The following SEZ6L variants were observed in gnomAD, a reference collection of about 807,000 sequenced individuals.
SEZ6L encodes seizure 6-like protein.
SEZ6L carries 37 observed loss-of-function variants against 106.2 expected under a neutral mutation model. The observed-to-expected ratio is 0.35, with a 90% CI of 0.27 to 0.46. The LOEUF is 0.46. Among genes scored for constraint, SEZ6L ranks in the 20% least tolerant of loss-of-function variants. The pLI, the probability that SEZ6L is intolerant of heterozygous loss-of-function variation, is 1.00. For missense variants in SEZ6L, 1,172 were observed against 1,332.8 expected (o/e 0.88, Z 1.88); for synonymous variants, 541 against 570.4 (o/e 0.95, Z 0.73).
intron 14 of SEZ6L, among the ~76,000 whole-genome samples, chr22:26,374,038 T>C (rs946751915): frequency 6.6e-6 from 1 of 152,152 alleles, no homozygotes; most frequent in African/African-American, 2.4e-5. Flanking sequence ...AGGATTTTAT[T>C]TCAGTTTTGT....
intron 10 of SEZ6L, among the ~76,000 whole-genome samples, chr22:26,341,144 T>C (rs2082821260): frequency 6.6e-6 from 1 of 152,204 alleles, no homozygotes; most frequent in South Asian, 2.1e-4. Flanking sequence ...TGTAGCCTCG[T>C]TGAACAAGGA....
intron 1 of SEZ6L, among the ~76,000 whole-genome samples, chr22:26,187,102 C>T (rs1457049046): frequency 6.6e-6 from 1 of 152,210 alleles, no homozygotes; most frequent in Non-Finnish European, 1.5e-5. Flanking sequence ...CTATGAAGAA[C>T]TACCTGAGAC....
intron 13 of SEZ6L, among the ~76,000 whole-genome samples, chr22:26,373,230 T>G (rs967910316): frequency 6.6e-6 from 1 of 152,226 alleles, no homozygotes; most frequent in African/African-American, 2.4e-5. Context: ...CTATCACTGT[T>G]GTTGATCTTG....
intron 9 of SEZ6L, among the ~76,000 whole-genome samples, chr22:26,327,824 A>C (rs1223030598): frequency 6.6e-6 from 1 of 152,222 alleles, no homozygotes; most frequent in Non-Finnish European, 1.5e-5. Context: ...ATGTCCCGGA[A>C]TGTAGAAGGC....
intron 1 of SEZ6L, among the ~76,000 whole-genome samples, chr22:26,192,833 G>A (rs1242155121): frequency 2.6e-5 from 4 of 152,154 alleles, no homozygotes; most frequent in Non-Finnish European, 5.9e-5. Context: ...GTCAACCCAA[G>A]ATAATAAAAT....
At chr22:26,343,692 C>T (rs1417817390) in intron 10 of SEZ6L, among the ~76,000 whole-genome samples, 1 of 152,178 alleles carries the variant, frequency 6.6e-6, no homozygotes, top group East Asian at 1.9e-4. Context: ...ACCAGGATCA[C>T]AAGCTGATGC....
intron 1 of SEZ6L, among the ~76,000 whole-genome samples, chr22:26,231,509 G>A (rs1049202606): frequency 1.3e-5 from 2 of 152,152 alleles, no homozygotes; most frequent in Non-Finnish European, 1.5e-5. Context: ...TGGAAGGGAT[G>A]CCTCTATCTG....
intron 1 of SEZ6L, among the ~76,000 whole-genome samples, chr22:26,289,661 A>G (rs1020173337): frequency 1.3e-5 from 2 of 152,232 alleles, no homozygotes; most frequent in African/African-American, 2.4e-5. Context: ...CTGGTAATCA[A>G]TGTTACACAA....
rs532850026 is a variant in SEZ6L, at chr22:26,291,457, A to G, written c.95-949A>G. ...GCCTGTTGCGGGGTGGAGTTGGGGG[A>G]GGGGAGAGCATTAGGAAAAATAGGT... is the stretch of plus-strand genomic sequence containing the variant. On this transcript the variant is annotated intron_variant, in intron 1 of 16. Coordinates refer to ENST00000248933, the MANE Select transcript of SEZ6L (RefSeq NM_021115.5). Among the ~76,000 whole-genome samples, 35 of 151,856 alleles carry G rather than the reference A, an allele frequency of 2.3e-4. No homozygotes were observed. The South Asian group carries it at 7.3e-3, about 32-fold the overall frequency.
intron 9 of SEZ6L, among the ~76,000 whole-genome samples, chr22:26,317,519 G>A (rs991448283): frequency 6.6e-6 from 1 of 151,848 alleles, no homozygotes; most frequent in Non-Finnish European, 1.5e-5. Context: ...CAGAGGTCTA[G>A]AGGAGGAAAC....
chr22:26,256,806 C>T (rs1010156747), intron 1 of SEZ6L, among the ~76,000 whole-genome samples: 2 of 152,168 alleles, frequency 1.3e-5, no homozygotes, highest in African/African-American at 4.8e-5. Flanking sequence ...TTTAAGAAGC[C>T]CTCCCTGGGG....
intron 1 of SEZ6L, among the ~76,000 whole-genome samples, chr22:26,291,247 A>C (rs1258774451): frequency 1.3e-5 from 2 of 152,242 alleles, no homozygotes; most frequent in African/African-American, 4.8e-5. Flanking sequence ...ACACCATGGA[A>C]TACTATGCAG....
At chr22:26,312,615 T>C (rs964767266) in intron 8 of SEZ6L, among the ~76,000 whole-genome samples, 1 of 152,186 alleles carries the variant, frequency 6.6e-6, no homozygotes, top group African/African-American at 2.4e-5. Flanking sequence ...CATATTCTTT[T>C]TGTTGTTGAG....
intron 13 of SEZ6L, among the ~76,000 whole-genome samples, chr22:26,366,372 A>G (rs2083813226): frequency 6.6e-6 from 1 of 151,848 alleles, no homozygotes; most frequent in Non-Finnish European, 1.5e-5. Flanking sequence ...TTTTTATCAT[A>G]TATCACAATT....
chr22:26,201,191 A>G (rs1191790178), intron 1 of SEZ6L, among the ~76,000 whole-genome samples: 1 of 152,064 alleles, frequency 6.6e-6, no homozygotes, highest in Non-Finnish European at 1.5e-5. Context: ...ACTGGCATAC[A>G]GTAGACACTC....
intron 9 of SEZ6L, among the ~76,000 whole-genome samples, chr22:26,328,145 C>T (rs1465482296): frequency 6.6e-6 from 1 of 152,254 alleles, no homozygotes; most frequent in East Asian, 1.9e-4. Flanking sequence ...GTGGATTCTG[C>T]GATTTGCATC....
intron 3 of SEZ6L, among the ~76,000 whole-genome samples, chr22:26,295,676 C>T (rs1034488401): frequency 7.9e-5 from 12 of 152,278 alleles, no homozygotes; most frequent in African/African-American, 2.6e-4. Flanking sequence ...GTGTCCAGTA[C>T]TGTGTGGAGC....
At position 26,351,032 on chromosome 22, in the gene SEZ6L, T is replaced by C. The variant is rs1375794315; in HGVS notation, c.2408-20T>C. On this transcript the variant is annotated intron_variant, in intron 11 of 16. Coordinates refer to ENST00000248933, the MANE Select transcript of SEZ6L (RefSeq NM_021115.5). ...ATCCAGAGGTCTGACGTCCTCTTGG[T>C]CTGGTTTCATCCCGTGTAGTTATGT... The C allele has an allele frequency of 5.6e-6, 9 of 1,599,114 alleles. No individual in the cohort carries two copies. Among genetic ancestry groups the C allele is most frequent in the Non-Finnish European group, 6.8e-6 (8 of 1,171,636 alleles).
At chr22:26,233,218 T>C (rs1218329862) in intron 1 of SEZ6L, among the ~76,000 whole-genome samples, 3 of 152,246 alleles carry the variant, frequency 2.0e-5, no homozygotes, top group Admixed American at 1.3e-4. Flanking sequence ...CTGAAGCCTT[T>C]CCCTGTCTCC....
Sources: gnomAD v4.1 joint callset for allele counts (sites outside exome capture counted in the v4.1 genomes callset) on GRCh38, gnomAD v4.1.1 for gene constraint, MANE v1.5 for transcripts, NCBI Gene and HGNC (gene_info 2026-07-23, HGNC 2026-07-21) for gene names.